Variants in DNAH17 observed in about 807,000 individuals in gnomAD.
DNAH17 encodes axonemal beta dynein heavy chain 17.
DNAH17 carries 376 observed loss-of-function variants against 485.6 expected under a neutral mutation model. That is an observed-to-expected ratio of 0.77 (90% confidence interval 0.71 to 0.84). The LOEUF (loss-of-function observed/expected upper bound fraction) is 0.84. DNAH17 is among the 40% of genes least tolerant of loss of function. DNAH17 has a pLI of 0.00. For missense variants in DNAH17, 6,370 were observed against 5,839.3 expected (o/e 1.09, Z -2.96); for synonymous variants, 3,031 against 2,405.9 (o/e 1.26, Z -7.60).
chr17:78,534,234 G>A (rs1238462007), intron 19 of DNAH17, among the ~76,000 whole-genome samples: 1 of 152,248 alleles, frequency 6.6e-6, no homozygotes, highest in African/African-American at 2.4e-5. Context: ...GAGCCCACAT[G>A]ACAGCTGCAG....
chr17:78,480,032 T>C (rs2089280370), intron 49 of DNAH17, among the ~76,000 whole-genome samples: 1 of 102,174 alleles, frequency 9.8e-6, no homozygotes. Context: ...TTTTTTTTTT[T>C]TTTTTTTTTT....
At position 78,500,940 on chromosome 17, in the gene DNAH17, G is replaced by C. The variant is rs2090265993; in HGVS notation, c.5483+244C>G. 7.7e-6 allele frequency: 3 copies of C among 390,004 alleles called. No individual in the cohort carries two copies. The South Asian group carries it at 2.3e-4, about 30-fold the overall frequency. The allele number at this position is 390,004 out of a possible 1,614,324, so 24.2% of individuals were successfully genotyped here. On this transcript the variant is annotated intron_variant, in intron 35 of 80. Transcript: ENST00000389840. ...TACGACAACCAGAGTCTGCTCATGA[G>C]GGTCCATAAAACATGACCCCAACTC...
intron 11 of DNAH17, among the ~76,000 whole-genome samples, chr17:78,563,685 G>T (rs1403300164): frequency 6.6e-6 from 1 of 152,142 alleles, no homozygotes; most frequent in Non-Finnish European, 1.5e-5. Flanking sequence ...AGGAGATCAT[G>T]TGGAAAATTG....
chr17:78,437,550 G>C (rs2086888413), intron 74 of DNAH17, 91 bp downstream of exon 74: 1 of 949,728 alleles, frequency 1.1e-6, no homozygotes, highest in South Asian at 1.6e-5. Flanking sequence ...CCAGAGTTCA[G>C]AGCGGTCCTC....
At chr17:78,560,475 T>G (rs954254289) in intron 13 of DNAH17, among the ~76,000 whole-genome samples, 2 of 139,706 alleles carry the variant, frequency 1.4e-5, no homozygotes, top group African/African-American at 2.5e-5. Context: ...CGGCAAAGAC[T>G]TTTTCCCCCC....
At chr17:78,513,926 G>A (rs535578445) in intron 26 of DNAH17, among the ~76,000 whole-genome samples, 3 of 152,292 alleles carry the variant, frequency 2.0e-5, no homozygotes, top group Admixed American at 2.0e-4. Flanking sequence ...TGGGGCCTCT[G>A]CAGAGTAGCT....
At chr17:78,465,271 G>C (rs555771343) in intron 56 of DNAH17, among the ~76,000 whole-genome samples, 1 of 151,822 alleles carries the variant, frequency 6.6e-6, no homozygotes, top group African/African-American at 2.4e-5. Context: ...GCGTGATCTC[G>C]GCTCGCTACA....
chr17:78,526,997 C>T lies in DNAH17; in HGVS notation c.3508-1G>A, dbSNP rs1197510250. On this transcript the variant is annotated splice_acceptor_variant, in intron 22 of 80. Transcript: ENST00000389840. LOFTEE classifies it high-confidence loss of function. ...TATTTGCCCAGTGCTCCGGCAGCTC[C>T]TGCGGGAAGCAAAGGCAGAGGAGGG... The T allele has an allele frequency of 1.3e-6, 2 of 1,568,228 alleles. No individual in the cohort carries two copies. Among genetic ancestry groups the T allele is most frequent in the Non-Finnish European group, 1.7e-6 (2 of 1,156,974 alleles).
intron 71 of DNAH17, among the ~76,000 whole-genome samples, chr17:78,442,536 C>G (rs945680571): frequency 1.3e-5 from 2 of 152,224 alleles, no homozygotes; most frequent in African/African-American, 4.8e-5. Flanking sequence ...AGTCCTGCCC[C>G]TAGGCAGGAA....
intron 65 of DNAH17, among the ~76,000 whole-genome samples, chr17:78,453,112 C>A (rs892211683): frequency 6.6e-6 from 1 of 152,206 alleles, no homozygotes; most frequent in Non-Finnish European, 1.5e-5. Flanking sequence ...ATCTGGAGGC[C>A]ATCACTGATA....
intron 62 of DNAH17, among the ~76,000 whole-genome samples, chr17:78,457,746 C>T (rs895903722): frequency 1.7e-4 from 25 of 151,394 alleles, no homozygotes; most frequent in African/African-American, 1.5e-4. Flanking sequence ...CTGCAACCTC[C>T]GCCTCCTGGG....
intron 16 of DNAH17, among the ~76,000 whole-genome samples, chr17:78,544,775 T>C (rs1568231467): frequency 1.0e-5 from 1 of 99,418 alleles, no homozygotes; most frequent in African/African-American, 4.0e-5. Context: ...CACTCCAGCC[T>C]GGGGCACAGA....
intron 58 of DNAH17, 131 bp from the exon 59 acceptor site, chr17:78,460,388 ATATGTGCATGAGTGTATG>A (rs1350042969): frequency 7.0e-6 from 3 of 429,034 alleles, no homozygotes; most frequent in African/African-American, 4.5e-5. Context: ...ATGTGTGCAT[ATATGTGCATGAGTGTATG>A]TGTGTGCATG....
intron 26 of DNAH17, among the ~76,000 whole-genome samples, chr17:78,513,559 G>T (rs12103429): frequency 0.15 from 22,139 of 152,004 alleles, 1,950 homozygotes; most frequent in East Asian, 0.38. Context: ...CCTCAGCCAC[G>T]CAAGTAGCTG....
intron 6 of DNAH17, 23 bp downstream of exon 6, chr17:78,570,925 C>G (rs770986016): frequency 6.5e-7 from 1 of 1,529,534 alleles, no homozygotes; most frequent in Admixed American, 2.1e-5. Context: ...CCCACCAAAG[C>G]CGGCTCTCCC....
Position 78,486,481 on chromosome 17 carries a change from G to T in DNAH17, c.6844C>A (p.Arg2282Ser). ...TTGGCCTTCTCCGACTGCACCTTGC[G>T]CCTCTCGATCCAGCTGCTCACCACC... ...NPVVSSWIERRKVQSEKANLM... is the reference protein window; with the variant it reads ...NPVVSSWIERSKVQSEKANLM... The change falls in exon 45 of 81, where the codon CGC becomes AGC. Residue 2282 changes from arginine to serine, a missense_variant. Arg to Ser is a moderately radical substitution (Grantham distance 110, BLOSUM62 -1). Coordinates refer to ENST00000389840, the MANE Select transcript of DNAH17 (RefSeq NM_173628.4). 1 of 1,611,074 alleles carries T rather than the reference G, an allele frequency of 6.2e-7. No homozygotes were observed. Among genetic ancestry groups the T allele is most frequent in the Non-Finnish European group, 8.5e-7 (1 of 1,178,322 alleles).
At chr17:78,568,436 T>C (rs575062443) in intron 9 of DNAH17, among the ~76,000 whole-genome samples, 2 of 152,198 alleles carry the variant, frequency 1.3e-5, no homozygotes, top group East Asian at 3.9e-4. Flanking sequence ...AGGATGATTT[T>C]CCCCTTTTTT....
intron 48 of DNAH17, among the ~76,000 whole-genome samples, chr17:78,481,386 G>C (rs1008462182): frequency 6.6e-6 from 1 of 152,126 alleles, no homozygotes; most frequent in Non-Finnish European, 1.5e-5. Flanking sequence ...ACTCCATGTG[G>C]TCTTAAAAAC....
rs778930339 is a variant in DNAH17, at chr17:78,506,784, C to G, written c.4739G>C (p.Arg1580Pro). 3 of 1,613,844 alleles carry G rather than the reference C, an allele frequency of 1.9e-6. No individual in the cohort carries two copies. Among genetic ancestry groups the G allele is most frequent in the African/African-American group, 2.7e-5 (2 of 74,898 alleles). ...GTCAGCCGAGGAGACAAAATAGAAC[C>G]GGGGGAAAGCCAGTCTTTTCGTCTC... ...YLETKRLAFP[R>P]FYFVSSADLL... The change falls in exon 30 of 81, where the codon CGG (arginine) becomes CCG (proline). Residue 1580 changes from arginine to proline, a missense_variant. Arg to Pro is a moderately radical substitution (Grantham distance 103). Transcript: ENST00000389840.
Sources: allele counts gnomAD v4.1 joint callset (sites outside exome capture counted in the v4.1 genomes callset), GRCh38; gene constraint gnomAD v4.1.1; transcripts MANE v1.5; gene names NCBI Gene and HGNC (gene_info 2026-07-23, HGNC 2026-07-21).